Variants in CDH5 observed in about 807,000 individuals in gnomAD.
CDH5 encodes cadherin 5.
A neutral mutation model predicts 62.0 loss-of-function variants in CDH5; 28 were observed. The ratio of observed to expected loss-of-function variants is 0.45; its 90% CI spans 0.33 to 0.62. The LOEUF is 0.62. Among genes scored for constraint, CDH5 ranks in the 20% least tolerant of loss-of-function variants. CDH5 has a pLI of 0.02. For synonymous variants in CDH5, 464 were observed against 445.8 expected (o/e 1.04, Z -0.52); for missense variants, 940 against 1,065.1 (o/e 0.88, Z 1.63).
chr16:66,400,628 A>T (rs1424986987), intron 10 of CDH5, 143 bp from the exon 11 acceptor site: 2 of 917,080 alleles, frequency 2.2e-6, no homozygotes, highest in Non-Finnish European at 3.4e-6. Flanking sequence ...GATGGCTGAA[A>T]CAAGAGGCGC....
Position 66,404,095 on chromosome 16 carries a change from T to C in CDH5, c.*926T>C, listed in dbSNP as rs1205664921. 6.6e-6 allele frequency: 1 copy of C among 152,528 alleles called. No homozygotes were observed. Among genetic ancestry groups the C allele is most frequent in the Non-Finnish European group, 1.5e-5 (1 of 68,074 alleles). The allele number at this position is 152,528 out of a possible 1,614,324, so 9.4% of individuals were successfully genotyped here. On this transcript the variant is annotated 3_prime_UTR_variant, in exon 12 of 12. Transcript: ENST00000341529. ...CTTCTCTGCCTCACCTGGTCGCCAATCCATGCTCTCTTTCTTTTCTCTGTC... is the reference window on the plus strand; with the variant it reads ...CTTCTCTGCCTCACCTGGTCGCCAACCCATGCTCTCTTTCTTTTCTCTGTC...
At chr16:66,397,667 A>T (rs1961209770) in intron 8 of CDH5, among the ~76,000 whole-genome samples, 1 of 152,012 alleles carries the variant, frequency 6.6e-6, no homozygotes, top group African/African-American at 2.4e-5. Context: ...TGATTAATTT[A>T]TTATGTTTTA....
chr16:66,388,917 C>T (rs1961033661), intron 4 of CDH5, among the ~76,000 whole-genome samples: 1 of 152,160 alleles, frequency 6.6e-6, no homozygotes, highest in African/African-American at 2.4e-5. Context: ...CAGCAAGGCC[C>T]ATAGTAATTG....
chr16:66,402,703 C>T lies in CDH5; in HGVS notation c.1889C>T (p.Ala630Val), dbSNP rs771947327. The change falls in exon 12 of 12, where the codon GCG (alanine) becomes GTG (valine). Residue 630 changes from alanine to valine, a missense_variant. Physicochemically the swap from Ala to Val is moderately conservative, Grantham distance 64 (BLOSUM62 0). Coordinates refer to ENST00000341529, the MANE Select transcript of CDH5 (RefSeq NM_001795.5). ...LRRRLRKQAR[A>V]HGKSVPEIHE... The stretch of plus-strand genomic sequence containing the variant: ...CGGCGGCTCCGGAAGCAGGCCCGCG[C>T]GCACGGCAAGAGCGTGCCGGAGATC... 1.2e-5 allele frequency: 19 copies of T among 1,608,870 alleles called. No homozygotes were observed. In the East Asian group the frequency reaches 2.2e-4, roughly 19 times the overall value.
chr16:66,390,382 G>T (rs1370051785), intron 5 of CDH5, 21 bp from the exon 6 acceptor site: 9 of 1,597,278 alleles, frequency 5.6e-6, no homozygotes, highest in South Asian at 1.1e-5. Context: ...AAAGCCCTTT[G>T]GGGTGCTCTG....
At chr16:66,389,973 G>A (rs992601861) in intron 5 of CDH5, among the ~76,000 whole-genome samples, 2 of 152,218 alleles carry the variant, frequency 1.3e-5, no homozygotes, top group African/African-American at 4.8e-5. Context: ...ACCCCACAGA[G>A]AATGTCTAAT....
intron 11 of CDH5, among the ~76,000 whole-genome samples, chr16:66,401,289 A>G (rs1961277938): frequency 6.6e-6 from 1 of 152,242 alleles, no homozygotes; most frequent in Non-Finnish European, 1.5e-5. Flanking sequence ...TCACTTTAAA[A>G]TAACTTATAC....
At position 66,402,737 on chromosome 16, in the gene CDH5, GCTGGTCACCTA is replaced by G; in HGVS notation, c.1925_1935del (p.Leu642ArgfsTer109). On this transcript the variant is annotated frameshift_variant, in exon 12 of 12. Transcript: ENST00000341529. LOFTEE classifies it low-confidence loss of function (END_TRUNC). ...AGAGCGTGCCGGAGATCCACGAGCA[GCTGGTCACCTA>G]CGACGAGGAGGGCGGCGGCGAGATG... 1.9e-6 allele frequency: 3 copies of G among 1,610,108 alleles called. No homozygotes were observed. Among genetic ancestry groups the G allele is most frequent in the Non-Finnish European group, 2.5e-6 (3 of 1,179,076 alleles).
Position 66,379,459 on chromosome 16 carries a change from C to T in CDH5, c.122C>T (p.Thr41Ile). The T allele has an allele frequency of 1.2e-6, 2 of 1,614,202 alleles. No individual in the cohort carries two copies. Among genetic ancestry groups the T allele is most frequent in the Admixed American group, 3.3e-5 (2 of 60,026 alleles). Residue 41 changes from threonine (T) to isoleucine (I), a missense_variant, in exon 2 of 12, where the codon ACC becomes ATC. By Grantham distance (89) the Thr-to-Ile change is moderately conservative. Transcript: ENST00000341529. ...AQRDTHSLLP[T>I]HRRQKRDWIW... ...CGGGACACCCACAGCCTGCTGCCCA[C>T]CCACCGGCGCCAAAAGAGAGATTGG...
chr16:66,392,689 A>C, intron 7 of CDH5: 1 of 332,404 alleles, frequency 3.0e-6, no homozygotes, highest in South Asian at 5.4e-5. Flanking sequence ...CTGACAGTCA[A>C]GAAAGCAACC....
intron 4 of CDH5, 27 bp from the exon 5 acceptor site, chr16:66,389,331 T>A (rs1052608209): frequency 1.3e-6 from 2 of 1,595,298 alleles, no homozygotes; most frequent in Admixed American, 3.4e-5. Flanking sequence ...GCTGGTAACA[T>A]GGTTCCTGCT....
At chr16:66,380,012 T>G (rs1960865223) in intron 2 of CDH5, among the ~76,000 whole-genome samples, 1 of 5,606 alleles carries the variant, frequency 1.8e-4, no homozygotes, top group African/African-American at 7.7e-4. Context: ...GATAAAGGGG[T>G]AGGTGGTGGT....
chr16:66,391,728 G>C (rs568110610), intron 6 of CDH5, among the ~76,000 whole-genome samples: 2 of 152,184 alleles, frequency 1.3e-5, no homozygotes, highest in African/African-American at 2.4e-5. Context: ...AGCGGAGGTC[G>C]TGCCATTGCA....
Position 66,386,829 on chromosome 16 carries a change from C to G in CDH5, c.231C>G (p.Arg77=), listed in dbSNP as rs1196616550. 2 of 1,611,458 alleles carry G rather than the reference C, an allele frequency of 1.2e-6. No individual in the cohort carries two copies. The highest frequency in any genetic ancestry group is 1.7e-5 in the Admixed American group (1 of 59,780). ...TCTAGATCAAGTCAAGCGTGAGTCGCAAGAATGCCAAGTACCTGCTCAAAG... is the reference window on the plus strand; with the variant it reads ...TCTAGATCAAGTCAAGCGTGAGTCGGAAGAATGCCAAGTACCTGCTCAAAG... ...HVGKIKSSVS[R]KNAKYLLKGE... is the part of the protein sequence containing the mutation. The change falls in exon 3 of 12, where the codon CGC becomes CGG. Residue 77 remains arginine, a synonymous_variant. Coordinates refer to ENST00000341529, the MANE Select transcript of CDH5 (RefSeq NM_001795.5).
At position 66,389,420 on chromosome 16, in the gene CDH5, G is replaced by A; in HGVS notation, c.679G>A (p.Val227Met). 1 of 1,613,648 alleles carries A rather than the reference G, an allele frequency of 6.2e-7. No individual in the cohort carries two copies. The highest frequency in any genetic ancestry group is 8.5e-7 in the Non-Finnish European group (1 of 1,179,720). ...REKQARYEIV[V>M]EARDAQGLRG... ...GAAGCAGGCCAGGTATGAGATCGTG[G>A]TGGAAGCGCGAGATGCCCAGGGCCT... The change falls in exon 5 of 12, where the codon GTG (valine) becomes ATG (methionine). Residue 227 changes from valine to methionine, a missense_variant. By Grantham distance (21) the Val-to-Met change is conservative (BLOSUM62 1). Coordinates refer to ENST00000341529, the MANE Select transcript of CDH5 (RefSeq NM_001795.5).
chr16:66,390,380 T>C (rs1446456087), intron 5 of CDH5, 23 bp from the exon 6 acceptor site: 3 of 1,595,222 alleles, frequency 1.9e-6, no homozygotes, highest in Admixed American at 1.7e-5. Flanking sequence ...CCAAAGCCCT[T>C]TGGGGTGCTC....
intron 6 of CDH5, 41 bp downstream of exon 6, chr16:66,390,631 G>A: frequency 6.3e-7 from 1 of 1,589,384 alleles, no homozygotes; most frequent in Non-Finnish European, 8.6e-7. Context: ...GTGAGGCTTG[G>A]GGCTCTTGGC....
intron 3 of CDH5, among the ~76,000 whole-genome samples, chr16:66,388,058 AC>A (rs1335845103): frequency 6.6e-6 from 1 of 151,082 alleles, no homozygotes; most frequent in Non-Finnish European, 1.5e-5. Context: ...CCTGACCCCA[AC>A]CCTCCGCCCC....
At position 66,370,818 on chromosome 16, in the gene CDH5, T is replaced by C. The variant is rs537075890; in HGVS notation, c.-20+4060T>C. 5.9e-5 allele frequency among the ~76,000 whole-genome samples: 9 copies of C among 152,326 alleles called. No homozygotes were observed. The South Asian group carries it at 1.9e-3, about 32-fold the overall frequency. ...ACAGCCTGGGCAAAAAGCCTGCTGC[T>C]GAGAGGAAGGGCATTGTGCATTTCA... On this transcript the variant is annotated intron_variant, in intron 1 of 11. Transcript: ENST00000341529.
Sources: gnomAD v4.1 joint callset for allele counts (sites outside exome capture counted in the v4.1 genomes callset) on GRCh38, gnomAD v4.1.1 for gene constraint, MANE v1.5 for transcripts, NCBI Gene and HGNC (gene_info 2026-07-23, HGNC 2026-07-21) for gene names.